The following GPD1L variants were observed in gnomAD, a reference collection of about 807,000 sequenced individuals.
GPD1L encodes glycerol-3-phosphate dehydrogenase 1 like.
In GPD1L, 17 loss-of-function variants were observed where a neutral mutation model predicts 32.9. The observed-to-expected ratio is 0.52, with a 90% CI of 0.35 to 0.78. The LOEUF (loss-of-function observed/expected upper bound fraction) is 0.78, where lower values mean the gene tolerates loss of function less well. GPD1L is among the 30% of genes least tolerant of loss of function. GPD1L has a pLI of 0.01. For missense variants in GPD1L, 361 were observed against 447.8 expected, an observed-to-expected ratio of 0.81 and a Z score of 1.75; for synonymous variants, 187 against 165.9, an observed-to-expected ratio of 1.13 and a Z score of -0.98.
chr3:32,151,152 G>A (rs1380070430), intron 5 of GPD1L: 18 of 551,114 alleles, frequency 3.3e-5, no homozygotes, highest in Admixed American at 8.5e-5. Context: ...CACAAAGTGC[G>A]CTTCTCTGGG....
chr3:32,162,674 C>G (rs1227346392), intron 7 of GPD1L, among the ~76,000 whole-genome samples: 1 of 152,062 alleles, frequency 6.6e-6, no homozygotes, highest in East Asian at 1.9e-4. Context: ...TTTCAAAGAC[C>G]GTGTCACATT....
chr3:32,146,520 GT>G, intron 4 of GPD1L, 101 bp from the exon 5 acceptor site: 1 of 762,596 alleles, frequency 1.3e-6, no homozygotes, highest in Non-Finnish European at 2.4e-6. Context: ...TCATGAACAT[GT>G]TACTTTTATA....
chr3:32,158,089 G>A lies in GPD1L; in HGVS notation c.619-787G>A, dbSNP rs545892546. Reference sequence around the variant, plus strand: ...GAGGGCATGTGCCAGGGTGTCCATGGCAGCACTGTTTGTCATGGCCCCAAA... The same window carrying A: ...GAGGGCATGTGCCAGGGTGTCCATGACAGCACTGTTTGTCATGGCCCCAAA... On this transcript the variant is annotated intron_variant, in intron 5 of 7. Transcript: ENST00000282541. 3.3e-5 allele frequency among the ~76,000 whole-genome samples: 5 copies of A among 152,310 alleles called. No individual in the cohort carries two copies. In the East Asian group the frequency reaches 7.7e-4, roughly 23 times the overall value.
intron 1 of GPD1L, among the ~76,000 whole-genome samples, chr3:32,107,412 T>C (rs1700180161): frequency 6.6e-6 from 1 of 152,180 alleles, no homozygotes; most frequent in Admixed American, 6.5e-5. Flanking sequence ...GACTTTAACA[T>C]TTTATAGAGC....
At position 32,157,166 on chromosome 3, in the gene GPD1L, ATGCCGCCTCCTCCATGTGGCC is replaced by A. The variant is rs545083662; in HGVS notation, c.619-1708_619-1688del. The stretch of plus-strand genomic sequence containing the variant: ...TACTTATTATTTGGGCCCAGCTCAG[ATGCCGCCTCCTCCATGTGGCC>A]TTCCCTGCTGTGAACGGAAGCTTGT... On this transcript the variant is annotated intron_variant, in intron 5 of 7. Transcript: ENST00000282541. Among the ~76,000 whole-genome samples, 259 of 151,684 alleles carry A rather than the reference ATGCCGCCTCCTCCATGTGGCC, an allele frequency of 1.7e-3. 1 individual carries two copies. In the Middle Eastern group the frequency reaches 0.028, roughly 16 times the overall value.
chr3:32,121,856 T>G (rs1391059319), intron 1 of GPD1L, among the ~76,000 whole-genome samples: 1 of 150,818 alleles, frequency 6.6e-6, no homozygotes, highest in African/African-American at 2.4e-5. Flanking sequence ...CCGCAACCTC[T>G]GCCTCCCAGT....
intron 1 of GPD1L, among the ~76,000 whole-genome samples, chr3:32,111,097 C>T (rs191714564): frequency 3.9e-5 from 6 of 152,286 alleles, no homozygotes; most frequent in African/African-American, 1.4e-4. Flanking sequence ...AACTCCTGGC[C>T]TCAAATAGTC....
At chr3:32,139,573 C>T (rs902224800) in intron 3 of GPD1L, among the ~76,000 whole-genome samples, 5 of 152,046 alleles carry the variant, frequency 3.3e-5, no homozygotes, top group East Asian at 1.9e-4. Flanking sequence ...GGGGTAAGGC[C>T]CATGTCGTTG....
Position 32,138,607 on chromosome 3 carries a change from C to T in GPD1L, c.246C>T (p.Ser82=), listed in dbSNP as rs377378878. 1.5e-5 allele frequency: 25 copies of T among 1,613,866 alleles called. No homozygotes were observed. The Admixed American group carries it at 1.7e-4, about 11-fold the overall frequency. The stretch of plus-strand genomic sequence containing the variant: ...TGCAGGTTGCCATGTCAAATCTTAG[C>T]GAGGCTGTGCAGGATGCAGACCTGC... ...PENVVAMSNL[S]EAVQDADLLV... is the part of the protein sequence containing the mutation. The change falls in exon 3 of 8, where the codon AGC becomes AGT. Residue 82 remains serine, a synonymous_variant. Transcript: ENST00000282541.
intron 2 of GPD1L, among the ~76,000 whole-genome samples, chr3:32,130,168 G>A (rs1011739166): frequency 1.3e-5 from 2 of 152,078 alleles, no homozygotes; most frequent in Non-Finnish European, 2.9e-5. Context: ...AATCGACATA[G>A]AGGAGTTGAG....
rs1474309385 is a variant in GPD1L at position 32,106,716 on chromosome 3, C to T, written c.5C>T (p.Ala2Val). The change falls in exon 1 of 8, where the codon GCA becomes GTA. Residue 2 changes from alanine to valine, a missense_variant. By Grantham distance (64) the Ala-to-Val change is moderately conservative (BLOSUM62 0). Transcript: ENST00000282541. This position sits in a 1 kb window ranked among gnomAD's most constrained non-coding sequence, Gnocchi z 4.0. ...GCGGCTACATTCGGCCCGGCCATGG[C>T]AGCGGCGCCCCTGAAAGTGTGCATC... M[A>V]AAPLKVCIVG... 1.3e-6 allele frequency: 2 copies of T among 1,563,310 alleles called. No individual in the cohort carries two copies. Among genetic ancestry groups the T allele is most frequent in the Admixed American group, 1.8e-5 (1 of 54,728 alleles).
intron 1 of GPD1L, among the ~76,000 whole-genome samples, chr3:32,126,690 C>CA (rs1700512719): frequency 1.3e-5 from 2 of 152,236 alleles, no homozygotes; most frequent in African/African-American, 4.8e-5. Flanking sequence ...GGTACAGCTG[C>CA]ATAGCCTTGA....
chr3:32,134,399 C>T (rs1469843660), intron 2 of GPD1L, among the ~76,000 whole-genome samples: 2 of 152,190 alleles, frequency 1.3e-5, no homozygotes, highest in African/African-American at 4.8e-5. Context: ...ATCACATTCC[C>T]TACCACCTGC....
intron 5 of GPD1L, among the ~76,000 whole-genome samples, chr3:32,155,112 G>A (rs889448733): frequency 6.6e-6 from 1 of 152,168 alleles, no homozygotes; most frequent in African/African-American, 2.4e-5. Context: ...CAAAGGGTCA[G>A]GCAGGTCTTT....
At chr3:32,117,508 G>C (rs1553657017) in intron 1 of GPD1L, among the ~76,000 whole-genome samples, 1 of 152,114 alleles carries the variant, frequency 6.6e-6, no homozygotes, top group Non-Finnish European at 1.5e-5. Context: ...GACTCTGGTG[G>C]ATGTTTGGAA....
intron 2 of GPD1L, among the ~76,000 whole-genome samples, chr3:32,132,400 G>A (rs769341197): frequency 6.6e-6 from 1 of 152,108 alleles, no homozygotes; most frequent in African/African-American, 2.4e-5. Context: ...TTTTTAGGTG[G>A]TATCACATGG....
At chr3:32,145,305 C>T (rs915951408) in intron 4 of GPD1L, among the ~76,000 whole-genome samples, 19 of 151,596 alleles carry the variant, frequency 1.3e-4, no homozygotes, top group African/African-American at 4.6e-4. Context: ...GGCAACACAG[C>T]AACTCTGTCT....
intron 1 of GPD1L, among the ~76,000 whole-genome samples, chr3:32,107,293 C>G (rs984223238): frequency 6.6e-6 from 1 of 152,164 alleles, no homozygotes; most frequent in Non-Finnish European, 1.5e-5. Flanking sequence ...TTAGGCGCGT[C>G]GTATCAGGAA....
intron 5 of GPD1L, among the ~76,000 whole-genome samples, chr3:32,154,674 G>A (rs891242794): frequency 2.0e-5 from 3 of 152,044 alleles, no homozygotes; most frequent in African/African-American, 7.2e-5. Flanking sequence ...TTTAAATGAG[G>A]TAATAATATA....
Sources: allele counts gnomAD v4.1 joint callset (sites outside exome capture counted in the v4.1 genomes callset), GRCh38; gene constraint gnomAD v4.1.1; non-coding constraint Gnocchi (gnomAD v3.1); transcripts MANE v1.5; gene names NCBI Gene and HGNC (gene_info 2026-07-23, HGNC 2026-07-21).